Variants in NOS1 observed in about 807,000 individuals in gnomAD.
NOS1 encodes the protein nitric oxide synthase 1, also known as NOS type I.
Under a neutral mutation model 164.5 loss-of-function variants are expected in NOS1, and 51 were observed. The ratio of observed to expected loss-of-function variants is 0.31; its 90% CI spans 0.25 to 0.39. The LOEUF (loss-of-function observed/expected upper bound fraction) is 0.39, where lower values mean the gene tolerates loss of function less well. NOS1 is among the 10% of genes least tolerant of loss of function. The pLI, the probability that NOS1 is intolerant of heterozygous loss-of-function variation, is 1.00. For synonymous variants in NOS1, 719 were observed against 745.8 expected (o/e 0.96, Z 0.59); for missense variants, 1,362 against 1,885.6 (o/e 0.72, Z 5.14).
chr12:117,225,786 C>T lies in NOS1; in HGVS notation c.3705-649G>A, dbSNP rs116240281. Among the ~76,000 whole-genome samples the T allele has an allele frequency of 6.2e-3, 950 of 152,226 alleles. 10 individuals are homozygous for T. The highest frequency in any genetic ancestry group is 0.022 in the African/African-American group (907 of 41,540). On this transcript the variant is annotated intron_variant, in intron 24 of 28. Coordinates refer to ENST00000317775, the MANE Select transcript of NOS1 (RefSeq NM_000620.5). Reference sequence around the variant, plus strand: ...GATTACAGGCACCCGCCACCACCCTCGGCTACTTTTTTTTTGTATTTTAGT... The same window carrying T: ...GATTACAGGCACCCGCCACCACCCTTGGCTACTTTTTTTTTGTATTTTAGT...
rs779331559 is a variant in NOS1, at chr12:117,285,380, A to G, written c.1291-48T>C. The G allele has an allele frequency of 3.6e-5, 46 of 1,283,838 alleles. No individual in the cohort carries two copies. The South Asian group carries it at 4.3e-4, about 12-fold the overall frequency. The allele number at this position is 1,283,838 out of a possible 1,614,324, so 79.5% of individuals were successfully genotyped here. On this transcript the variant is annotated intron_variant, in intron 6 of 28. Coordinates refer to ENST00000317775, the MANE Select transcript of NOS1 (RefSeq NM_000620.5). The stretch of plus-strand genomic sequence containing the variant: ...CTGATTGCCTCTTCTTTCCCTCCCC[A>G]GCTCCCCCAGCGCAATCTTCCCATT...
At chr12:117,340,185 G>A (rs1300914046) in intron 1 of NOS1, among the ~76,000 whole-genome samples, 1 of 151,860 alleles carries the variant, frequency 6.6e-6, no homozygotes, top group Non-Finnish European at 1.5e-5. Context: ...TTAACTTTTT[G>A]TAGAAACGGT....
chr12:117,280,507 C>G (rs929541652), intron 8 of NOS1, among the ~76,000 whole-genome samples: 3 of 152,162 alleles, frequency 2.0e-5, no homozygotes, highest in Admixed American at 6.5e-5. Context: ...CAGTTCCCAT[C>G]AGGAGGGCTG....
In NOS1 at chr12:117,322,681, T is replaced by TCTTC. The variant is rs58277123; in HGVS notation, c.725+7660_725+7663dup. ...TCCCTCCTTCCGTCCCTGCTTCCTT[T>TCTTC]CTTCCTTCCTTCCTTCCCTCCTTCT... On this transcript the variant is annotated intron_variant, in intron 2 of 28. Coordinates refer to ENST00000317775, the MANE Select transcript of NOS1 (RefSeq NM_000620.5). Among the ~76,000 whole-genome samples, 569 of 110,838 alleles carry TCTTC rather than the reference T, an allele frequency of 5.1e-3. 36 individuals are homozygous for TCTTC. The East Asian group carries it at 0.16, about 30-fold the overall frequency. 72.7% of individuals were successfully genotyped at this position (110,838 alleles called of 152,430 possible). A position where few individuals can be genotyped will look rare whatever the true frequency, so the allele number is the denominator to read the frequency against.
intron 3 of NOS1, among the ~76,000 whole-genome samples, chr12:117,310,736 C>CT (rs1327424964): frequency 6.6e-6 from 1 of 152,160 alleles, no homozygotes; most frequent in East Asian, 1.9e-4. Flanking sequence ...CCTTGAACTC[C>CT]TGTCCTCAAG....
At position 117,234,869 on chromosome 12, in the gene NOS1, TG is replaced by T. The variant is rs1373747032; in HGVS notation, c.3042-112del. 9 of 825,700 alleles carry T rather than the reference TG, an allele frequency of 1.1e-5. No homozygotes were observed. The highest frequency in any genetic ancestry group is 1.7e-5 in the Non-Finnish European group (9 of 534,334). 51.1% of individuals were successfully genotyped at this position (825,700 alleles called of 1,614,324 possible). A position where few individuals can be genotyped will look rare whatever the true frequency, so the allele number is the denominator to read the frequency against. ...GCAATTCTCCTCCTTCCATTCTTGT[TG>T]GGGCCCGTGCTAACCAAGCCTATGC... On this transcript the variant is annotated intron_variant, in intron 20 of 28. Transcript: ENST00000317775. The surrounding 1 kb of genome is among the most constrained non-coding windows in gnomAD (Gnocchi z 4.3).
In NOS1 at chr12:117,268,156, A is replaced by C; in HGVS notation, c.1840-12T>G. 1 of 1,574,300 alleles carries C rather than the reference A, an allele frequency of 6.4e-7. No homozygotes were observed. The highest frequency in any genetic ancestry group is 8.7e-7 in the Non-Finnish European group (1 of 1,143,754). On this transcript the variant is annotated splice_polypyrimidine_tract_variant and intron_variant, in intron 10 of 28. Coordinates refer to ENST00000317775, the MANE Select transcript of NOS1 (RefSeq NM_000620.5). Reference sequence around the variant, plus strand: ...TTCTTGGCCACTTCCTGAAAGAGGAAGGAAACACAGATATACAGGCTGGGG... The same window carrying C: ...TTCTTGGCCACTTCCTGAAAGAGGACGGAAACACAGATATACAGGCTGGGG...
At chr12:117,345,112 ACCTCCG>A (rs1876290868) in intron 1 of NOS1, among the ~76,000 whole-genome samples, 1 of 148,116 alleles carries the variant, frequency 6.8e-6, no homozygotes, top group African/African-American at 2.5e-5. Flanking sequence ...GCTCACTGCA[ACCTCCG>A]CCTCCTGGGT....
At chr12:117,331,560 C>G (rs1362647579) in intron 1 of NOS1, 71 bp from the exon 2 acceptor site, 1 of 153,610 alleles carries the variant, frequency 6.5e-6, no homozygotes, top group African/African-American at 2.4e-5. Flanking sequence ...CCCAACACCA[C>G]CTTGAAAACT....
At chr12:117,245,185 A>G (rs959881456) in intron 18 of NOS1, among the ~76,000 whole-genome samples, 2 of 152,200 alleles carry the variant, frequency 1.3e-5, no homozygotes, top group Non-Finnish European at 2.9e-5. Flanking sequence ...ACTGAATGAC[A>G]GAAGGTTGCA....
chr12:117,318,312 ACT>A (rs921033910), intron 2 of NOS1, among the ~76,000 whole-genome samples: 2 of 151,910 alleles, frequency 1.3e-5, no homozygotes, highest in African/African-American at 2.4e-5. Context: ...TTCCCTGGGA[ACT>A]CTCTGGCCCA....
chr12:117,334,005 C>T (rs1343803095), intron 1 of NOS1, among the ~76,000 whole-genome samples: 1 of 152,220 alleles, frequency 6.6e-6, no homozygotes, highest in Admixed American at 6.5e-5. Flanking sequence ...AAGGCGACCT[C>T]TTGGGGAGGC....
intron 1 of NOS1, among the ~76,000 whole-genome samples, chr12:117,339,124 T>G (rs1759872157): frequency 6.6e-6 from 1 of 152,164 alleles, no homozygotes. Flanking sequence ...CTGAAGTGCT[T>G]TCTCCCATGC....
In NOS1 at chr12:117,272,333, G is replaced by A. The variant is rs1191844259; in HGVS notation, c.1839+52C>T. 6.2e-7 allele frequency: 1 copy of A among 1,600,078 alleles called. No homozygotes were observed. Among genetic ancestry groups the A allele is most frequent in the African/African-American group, 1.3e-5 (1 of 74,630 alleles). On this transcript the variant is annotated intron_variant, in intron 10 of 28. Coordinates refer to ENST00000317775, the MANE Select transcript of NOS1 (RefSeq NM_000620.5). This position sits in a 1 kb window ranked among gnomAD's most constrained non-coding sequence, Gnocchi z 4.3. ...CCGTGGGGAAGGGGACTGCTGAGCT[G>A]GCACCCTCTGCTATGTGCTTTTCCC... is the stretch of plus-strand genomic sequence containing the variant.
chr12:117,343,258 AAG>A (rs1491225476), intron 1 of NOS1, among the ~76,000 whole-genome samples: 1 of 151,294 alleles, frequency 6.6e-6, no homozygotes, highest in Non-Finnish European at 1.5e-5. Context: ...GGAAGGAAGG[AAG>A]AGAGGGAGGG....
chr12:117,358,338 T>C (rs1243792881), intron 1 of NOS1, among the ~76,000 whole-genome samples: 16 of 147,228 alleles, frequency 1.1e-4, no homozygotes, highest in African/African-American at 2.7e-4. Context: ...CCCCGCCCTC[T>C]CACTCTTCTC....
At chr12:117,345,907 C>T (rs1361024636) in intron 1 of NOS1, among the ~76,000 whole-genome samples, 1 of 152,370 alleles carries the variant, frequency 6.6e-6, no homozygotes, top group East Asian at 1.9e-4. Flanking sequence ...CAGGACTTGG[C>T]ACATAATAGG....
At chr12:117,281,057 T>C (rs190031621) in intron 7 of NOS1, among the ~76,000 whole-genome samples, 191 bp from the exon 8 acceptor site, 65 of 152,116 alleles carry the variant, frequency 4.3e-4, no homozygotes, top group African/African-American at 1.1e-3. Flanking sequence ...ACCAGAACTA[T>C]GGTGTGAGGA....
chr12:117,355,301 C>T (rs1027226473), intron 1 of NOS1, among the ~76,000 whole-genome samples: 1 of 152,218 alleles, frequency 6.6e-6, no homozygotes, highest in Non-Finnish European at 1.5e-5. Flanking sequence ...CTGTATTTTC[C>T]ACCTGAATAG....
Sources: gnomAD v4.1 joint callset for allele counts (sites outside exome capture counted in the v4.1 genomes callset) on GRCh38, gnomAD v4.1.1 for gene constraint, Gnocchi (gnomAD v3.1) non-coding constraint, MANE v1.5 for transcripts, NCBI Gene and HGNC (gene_info 2026-07-23, HGNC 2026-07-21) for gene names.